The following RIMS1 variants were observed in gnomAD, a reference collection of about 807,000 sequenced individuals.
The protein encoded by RIMS1 is regulating synaptic membrane exocytosis 1.
Under a neutral mutation model 214.1 loss-of-function variants are expected in RIMS1, and 83 were observed. The observed-to-expected ratio is 0.39, with a 90% CI of 0.32 to 0.47. The LOEUF (loss-of-function observed/expected upper bound fraction) is 0.47. Ranked by LOEUF, RIMS1 falls within the 20% of genes least tolerant of loss-of-function variation. RIMS1 has a pLI of 0.99. For synonymous variants in RIMS1, 793 were observed against 786.8 expected (o/e 1.01, Z -0.13); for missense variants, 2,050 against 2,161.8 (o/e 0.95, Z 1.03).
intron 4 of RIMS1, among the ~76,000 whole-genome samples, chr6:72,110,985 G>T (rs555688050): frequency 1.3e-5 from 2 of 152,188 alleles, no homozygotes; most frequent in Non-Finnish European, 2.9e-5. Flanking sequence ...AATAAATTAA[G>T]AAATTGTATA....
intron 1 of RIMS1, among the ~76,000 whole-genome samples, chr6:71,912,243 C>T (rs371050392): frequency 6.6e-6 from 1 of 152,094 alleles, no homozygotes. Flanking sequence ...AAAGACAATT[C>T]TCTTGTTTAA....
chr6:72,144,527 T>G (rs1028564784), intron 4 of RIMS1, among the ~76,000 whole-genome samples: 40 of 152,080 alleles, frequency 2.6e-4, no homozygotes, highest in African/African-American at 9.7e-4. Flanking sequence ...CTAAGGCTGC[T>G]GACATGAACA....
intron 4 of RIMS1, among the ~76,000 whole-genome samples, chr6:72,147,141 G>A (rs2042866663): frequency 6.6e-6 from 1 of 152,160 alleles, no homozygotes; most frequent in Non-Finnish European, 1.5e-5. Context: ...CTTTAAAGCT[G>A]TTTTTATTTC....
chr6:72,164,980 G>T (rs2046053649), intron 4 of RIMS1, among the ~76,000 whole-genome samples: 2 of 152,040 alleles, frequency 1.3e-5, no homozygotes, highest in South Asian at 2.1e-4. Context: ...AATGAATCTG[G>T]GGTGACAATA....
intron 2 of RIMS1, among the ~76,000 whole-genome samples, chr6:72,087,618 G>C (rs1834995954): frequency 6.6e-6 from 1 of 152,274 alleles, no homozygotes; most frequent in Non-Finnish European, 1.5e-5. Context: ...AAAATGGCTT[G>C]AGCATCCCAA....
At chr6:71,995,201 T>G (rs991724231) in intron 2 of RIMS1, among the ~76,000 whole-genome samples, 1 of 152,164 alleles carries the variant, frequency 6.6e-6, no homozygotes, top group African/African-American at 2.4e-5. Flanking sequence ...AGCAGAACTT[T>G]AAAAGCTGAG....
chr6:71,979,213 G>A (rs1797883951), intron 2 of RIMS1, among the ~76,000 whole-genome samples: 1 of 152,014 alleles, frequency 6.6e-6, no homozygotes, highest in African/African-American at 2.4e-5. Context: ...GTATATGTGT[G>A]TGTGTATGTG....
At chr6:71,986,264 T>G (rs1799941404) in intron 2 of RIMS1, among the ~76,000 whole-genome samples, 1 of 151,774 alleles carries the variant, frequency 6.6e-6, no homozygotes, top group South Asian at 2.1e-4. Context: ...GTGTCCATAA[T>G]GTCTAGCACA....
chr6:72,172,343 T>C (rs1366112476), intron 4 of RIMS1, among the ~76,000 whole-genome samples: 4 of 152,150 alleles, frequency 2.6e-5, no homozygotes, highest in Non-Finnish European at 5.9e-5. Flanking sequence ...TGTGTATATG[T>C]GGATAAAAGA....
At chr6:72,190,814 A>C (rs2049956616) in intron 6 of RIMS1, among the ~76,000 whole-genome samples, 1 of 152,200 alleles carries the variant, frequency 6.6e-6, no homozygotes, top group Non-Finnish European at 1.5e-5. Flanking sequence ...TAGATGGGTC[A>C]GAAAGTACCC....
At chr6:72,033,550 C>T (rs917523801) in intron 2 of RIMS1, among the ~76,000 whole-genome samples, 10 of 151,462 alleles carry the variant, frequency 6.6e-5, no homozygotes, top group East Asian at 3.9e-4. Context: ...GGTGTGATCT[C>T]GGCTCACTGC....
intron 1 of RIMS1, among the ~76,000 whole-genome samples, chr6:71,948,069 A>G (rs1270424998): frequency 1.3e-5 from 2 of 152,156 alleles, no homozygotes; most frequent in Admixed American, 1.3e-4. Flanking sequence ...AAGTAATGGG[A>G]TTAATTTCAT....
intron 33 of RIMS1, 64 bp downstream of exon 33, chr6:72,399,158 T>A: frequency 7.3e-7 from 1 of 1,361,672 alleles, no homozygotes; most frequent in East Asian, 2.4e-5. Context: ...ATCGAAGAGA[T>A]GGTCAAACAC....
intron 1 of RIMS1, among the ~76,000 whole-genome samples, chr6:71,889,209 A>C (rs1768824103): frequency 1.3e-5 from 2 of 152,180 alleles, no homozygotes; most frequent in South Asian, 4.1e-4. Context: ...ATGCCTCTTC[A>C]TTGGCTGTCT....
intron 6 of RIMS1, among the ~76,000 whole-genome samples, chr6:72,191,182 T>C (rs578241876): frequency 6.6e-6 from 1 of 152,304 alleles, no homozygotes; most frequent in Non-Finnish European, 1.5e-5. Flanking sequence ...GGTCACCTGA[T>C]AGATGGGCAG....
chr6:72,183,918 A>G (rs1460368002), intron 6 of RIMS1, among the ~76,000 whole-genome samples: 1 of 152,222 alleles, frequency 6.6e-6, no homozygotes, highest in African/African-American at 2.4e-5. Context: ...CTTATAGACT[A>G]CGTGGCGCCA....
At chr6:72,134,877 T>C (rs893086337) in intron 4 of RIMS1, among the ~76,000 whole-genome samples, 1 of 152,056 alleles carries the variant, frequency 6.6e-6, no homozygotes, top group African/African-American at 2.4e-5. Flanking sequence ...GGGTCACAGA[T>C]GTTTTAGATG....
intron 6 of RIMS1, among the ~76,000 whole-genome samples, chr6:72,204,255 G>A (rs1428695605): frequency 1.3e-5 from 2 of 152,204 alleles, no homozygotes; most frequent in African/African-American, 2.4e-5. Context: ...ATTGCTCAGA[G>A]TCTTGAGGAT....
intron 6 of RIMS1, among the ~76,000 whole-genome samples, chr6:72,218,892 TTGTC>T (rs1394841301): frequency 6.6e-6 from 1 of 152,198 alleles, no homozygotes; most frequent in African/African-American, 2.4e-5. Flanking sequence ...CCATAGAAGT[TTGTC>T]TGCTCAAGTC....
Sources: gnomAD v4.1 joint callset for allele counts (sites outside exome capture counted in the v4.1 genomes callset) on GRCh38, gnomAD v4.1.1 for gene constraint, MANE v1.5 for transcripts, NCBI Gene and HGNC (gene_info 2026-07-23, HGNC 2026-07-21) for gene names.